AP3S2: variants seen among roughly 807,000 people sequenced by gnomAD.
The protein encoded by AP3S2 is AP-3 complex subunit sigma-2.
AP3S2 carries 22 observed loss-of-function variants against 23.4 expected under a neutral mutation model. The ratio of observed to expected loss-of-function variants is 0.94; its 90% CI spans 0.67 to 1.34. AP3S2 has a LOEUF of 1.34. AP3S2 is among the 40% of genes most tolerant of loss of function. AP3S2 has a pLI of 0.00. For missense variants in AP3S2, 241 were observed against 236.9 expected (o/e 1.02, Z -0.11); for synonymous variants, 86 against 87.1 (o/e 0.99, Z 0.07).
chr15:89,857,515 C>G (rs1041776612), intron 4 of AP3S2, among the ~76,000 whole-genome samples: 1 of 152,162 alleles, frequency 6.6e-6, no homozygotes, highest in Admixed American at 6.5e-5. Flanking sequence ...CATATAAAAA[C>G]CATTTATTCT....
At chr15:89,870,905 T>C (rs556217133) in intron 4 of AP3S2, among the ~76,000 whole-genome samples, 23 of 152,366 alleles carry the variant, frequency 1.5e-4, no homozygotes, top group African/African-American at 5.5e-4. Context: ...TATGAGGACA[T>C]AGGCCATGTC....
intron 3 of AP3S2, among the ~76,000 whole-genome samples, chr15:89,884,260 T>C (rs765103597): frequency 2.0e-5 from 3 of 152,208 alleles, no homozygotes; most frequent in Non-Finnish European, 4.4e-5. Flanking sequence ...ACTGCTATAA[T>C]AGACTATTAA....
chr15:89,881,314 T>G (rs1396882360), intron 3 of AP3S2, among the ~76,000 whole-genome samples: 2 of 152,194 alleles, frequency 1.3e-5, no homozygotes, highest in African/African-American at 4.8e-5. Flanking sequence ...TATACAACAT[T>G]AGAGTTTCTT....
chr15:89,861,936 C>T (rs1489220299), intron 4 of AP3S2, among the ~76,000 whole-genome samples: 2 of 152,178 alleles, frequency 1.3e-5, no homozygotes, highest in East Asian at 3.9e-4. Flanking sequence ...GTATTTAGTA[C>T]ATGAAAAGAC....
chr15:89,835,524 C>G lies in AP3S2; in HGVS notation c.573G>C (p.Gln191His), dbSNP rs141707871. 1.1e-4 allele frequency: 184 copies of G among 1,613,812 alleles called. 1 individual carries two copies. In the African/African-American group the frequency reaches 2.2e-3, roughly 19 times the overall value. Residue 191 changes from glutamine to histidine, a missense_variant, in exon 6 of 6, where the codon CAG becomes CAC. Physicochemically the swap from Gln to His is conservative, Grantham distance 24. Coordinates refer to ENST00000336418, the MANE Select transcript of AP3S2 (RefSeq NM_005829.5). The part of the protein sequence containing the change: ...DLNIKVPNLS[Q>H]FV ...GGCCAATACTTGATCCTCAGACAAA[C>G]TGGGACAGGTTGGGAACTTTGATGT...
chr15:89,861,050 G>A (rs1278700223), intron 4 of AP3S2, among the ~76,000 whole-genome samples: 2 of 152,204 alleles, frequency 1.3e-5, no homozygotes, highest in Middle Eastern at 3.2e-3. Flanking sequence ...GGGTGTGGCA[G>A]GTATTAATGA....
At chr15:89,878,534 A>C (rs1408961362) in intron 3 of AP3S2, among the ~76,000 whole-genome samples, 5 of 152,164 alleles carry the variant, frequency 3.3e-5, no homozygotes, top group African/African-American at 9.7e-5. Flanking sequence ...TTCACCCATC[A>C]GATTGGCAAA....
At chr15:89,857,861 T>A (rs1044971686) in intron 4 of AP3S2, among the ~76,000 whole-genome samples, 1 of 152,184 alleles carries the variant, frequency 6.6e-6, no homozygotes. Flanking sequence ...GGTGGGAGCA[T>A]GTGACTGATT....
intron 4 of AP3S2, among the ~76,000 whole-genome samples, chr15:89,853,386 A>G (rs1009197835): frequency 6.6e-6 from 1 of 152,254 alleles, no homozygotes; most frequent in African/African-American, 2.4e-5. Context: ...CTAAGACTTC[A>G]CTGATTGTAA....
intron 4 of AP3S2, among the ~76,000 whole-genome samples, chr15:89,863,651 C>A (rs537294929): frequency 6.6e-6 from 1 of 152,058 alleles, no homozygotes; most frequent in South Asian, 2.1e-4. Flanking sequence ...TTGGCAGAGC[C>A]AAGGAATTCA....
chr15:89,857,133 A>T (rs1362135562), intron 4 of AP3S2, among the ~76,000 whole-genome samples: 3 of 152,136 alleles, frequency 2.0e-5, no homozygotes, highest in Non-Finnish European at 4.4e-5. Context: ...CATCAAAAGT[A>T]AAAACTGGGC....
At chr15:89,867,986 G>T (rs1484036581) in intron 4 of AP3S2, among the ~76,000 whole-genome samples, 5 of 145,722 alleles carry the variant, frequency 3.4e-5, no homozygotes, top group Non-Finnish European at 7.6e-5. Flanking sequence ...CGGGAGGGAG[G>T]TGGGGGGGTC....
chr15:89,893,880 C>T lies in AP3S2; in HGVS notation c.69+1G>A, dbSNP rs1335553659. 9 of 1,551,588 alleles carry T rather than the reference C, an allele frequency of 5.8e-6. No homozygotes were observed. The highest frequency in any genetic ancestry group is 2.4e-5 in the South Asian group (2 of 84,066). ...GCGTGGTGAAGCCGGGCCGCACTCA[C>T]GAAACGCTGGTAGAAGCGGACTAGC... On this transcript the variant is annotated splice_donor_variant, in intron 1 of 5. Transcript: ENST00000336418. LOFTEE classifies it high-confidence loss of function.
intron 3 of AP3S2, among the ~76,000 whole-genome samples, chr15:89,886,304 C>T (rs1290343048): frequency 1.3e-5 from 2 of 151,960 alleles, no homozygotes; most frequent in Non-Finnish European, 2.9e-5. Flanking sequence ...GAGATCGTGC[C>T]ACTGCACTCT....
chr15:89,888,666 G>T (rs752336071), intron 2 of AP3S2, 34 bp from the exon 3 acceptor site: 3 of 1,595,452 alleles, frequency 1.9e-6, no homozygotes, highest in Non-Finnish European at 2.6e-6. Context: ...AATGCCCACA[G>T]CTTAATTAAA....
At chr15:89,836,523 G>A (rs746470371) in intron 5 of AP3S2, among the ~76,000 whole-genome samples, 1 of 152,142 alleles carries the variant, frequency 6.6e-6, no homozygotes, top group Non-Finnish European at 1.5e-5. Context: ...GAGAAGGTGG[G>A]GGGTATCACA....
chr15:89,853,251 G>A (rs770816216), intron 4 of AP3S2, among the ~76,000 whole-genome samples: 21 of 152,130 alleles, frequency 1.4e-4, no homozygotes, highest in Non-Finnish European at 2.4e-4. Context: ...AATATAGGAG[G>A]CAGAGAGACT....
At chr15:89,874,766 A>AG (rs1896402263) in intron 3 of AP3S2, among the ~76,000 whole-genome samples, 2 of 152,222 alleles carry the variant, frequency 1.3e-5, no homozygotes, top group Non-Finnish European at 1.5e-5. Flanking sequence ...TGAGTGACAT[A>AG]CCAAGACCTT....
intron 4 of AP3S2, among the ~76,000 whole-genome samples, chr15:89,847,497 A>T (rs1895526169): frequency 6.6e-6 from 1 of 152,068 alleles, no homozygotes; most frequent in South Asian, 2.1e-4. Context: ...TGCCTCAGGA[A>T]CCTAGCTCTA....
Sources: allele counts gnomAD v4.1 joint callset (sites outside exome capture counted in the v4.1 genomes callset), GRCh38; gene constraint gnomAD v4.1.1; transcripts MANE v1.5; gene names NCBI Gene and HGNC (gene_info 2026-07-23, HGNC 2026-07-21).